XIRP2: variants seen among roughly 807,000 people sequenced by gnomAD.
XIRP2 encodes xin actin binding repeat containing 2.
In XIRP2, 236 loss-of-function variants were observed where a neutral mutation model predicts 277.0. That is an observed-to-expected ratio of 0.85 (90% CI 0.77 to 0.95). XIRP2 has a LOEUF of 0.95. Ranked by LOEUF, XIRP2 falls within the 40% of genes least tolerant of loss-of-function variation. The pLI is 0.00. For missense variants in XIRP2, 4,640 were observed against 4,157.5 expected, an observed-to-expected ratio of 1.12 and a Z score of -3.19; for synonymous variants, 1,490 against 1,416.5, an observed-to-expected ratio of 1.05 and a Z score of -1.17.
chr2:167,185,214 C>T (rs944596944), intron 3 of XIRP2, among the ~76,000 whole-genome samples: 1 of 152,046 alleles, frequency 6.6e-6, no homozygotes, highest in Non-Finnish European at 1.5e-5. Flanking sequence ...GAACTTAGGT[C>T]AGTTAATTTA....
At chr2:167,152,568 G>C (rs1266409528) in intron 3 of XIRP2, among the ~76,000 whole-genome samples, 2 of 151,988 alleles carry the variant, frequency 1.3e-5, no homozygotes, top group African/African-American at 2.4e-5. Context: ...ACCTGGGATA[G>C]GTAGAAAGAA....
chr2:167,177,728 A>T (rs764100814), intron 3 of XIRP2, among the ~76,000 whole-genome samples: 6 of 152,178 alleles, frequency 3.9e-5, no homozygotes, highest in Non-Finnish European at 8.8e-5. Context: ...CAACTGTTTG[A>T]CAGTACTCTC....
chr2:167,172,600 T>C (rs544347918), intron 3 of XIRP2, among the ~76,000 whole-genome samples: 1 of 152,194 alleles, frequency 6.6e-6, no homozygotes, highest in African/African-American at 2.4e-5. Flanking sequence ...CTCAGGGCTG[T>C]TCCTTGCTGA....
chr2:167,127,900 T>A (rs1558989830), intron 2 of XIRP2, among the ~76,000 whole-genome samples: 1 of 152,204 alleles, frequency 6.6e-6, no homozygotes, highest in Non-Finnish European at 1.5e-5. Context: ...GGGGTCCCCC[T>A]GGGGGTTCAT....
intron 2 of XIRP2, among the ~76,000 whole-genome samples, chr2:167,107,351 GC>G (rs1370938416): frequency 6.6e-6 from 1 of 151,764 alleles, no homozygotes; most frequent in African/African-American, 2.4e-5. Flanking sequence ...TTTCAGAGAT[GC>G]TTTTGTCAAA....
chr2:167,249,919 C>T lies in XIRP2; in HGVS notation c.8527C>T (p.His2843Tyr), dbSNP rs1395076409. 3.7e-6 allele frequency: 6 copies of T among 1,613,396 alleles called. No individual in the cohort carries two copies. The change falls in exon 9 of 11, where the codon CAT becomes TAT. Residue 2843 changes from histidine to tyrosine, a missense_variant. His to Tyr is a moderately conservative substitution (Grantham distance 83). Transcript: ENST00000409195. ...ATTAATAACTGAAAGAAAACACGAA[C>T]ATCTGAAGAATAAATCAGCACCAAA... ...ERLITERKHE[H>Y]LKNKSAPKVV...
intron 2 of XIRP2, among the ~76,000 whole-genome samples, chr2:167,068,333 A>G (rs901513558): frequency 6.6e-6 from 1 of 152,214 alleles, no homozygotes; most frequent in East Asian, 1.9e-4. Flanking sequence ...TATTAAATGA[A>G]GTGATTTTAA....
intron 2 of XIRP2, among the ~76,000 whole-genome samples, chr2:166,943,659 G>A (rs1198760597): frequency 6.6e-6 from 1 of 152,226 alleles, no homozygotes; most frequent in Non-Finnish European, 1.5e-5. Flanking sequence ...CACACTGACT[G>A]GCCAGTGGTG....
chr2:167,195,027 A>C (rs1693460536), intron 3 of XIRP2, among the ~76,000 whole-genome samples: 1 of 152,176 alleles, frequency 6.6e-6, no homozygotes, highest in African/African-American at 2.4e-5. Context: ...GAACATTGAA[A>C]ACTGCAACAC....
intron 3 of XIRP2, among the ~76,000 whole-genome samples, chr2:167,206,011 T>C (rs1030130286): frequency 6.6e-6 from 1 of 152,174 alleles, no homozygotes; most frequent in African/African-American, 2.4e-5. Context: ...TACTAAAATT[T>C]CAGTAACCAG....
chr2:166,934,066 G>A (rs1009948853), intron 2 of XIRP2, among the ~76,000 whole-genome samples: 3 of 151,874 alleles, frequency 2.0e-5, no homozygotes, highest in Non-Finnish European at 2.9e-5. Flanking sequence ...CTACCTTCTA[G>A]TATTCAAGCC....
intron 2 of XIRP2, among the ~76,000 whole-genome samples, chr2:166,917,031 G>A (rs926234327): frequency 2.0e-5 from 3 of 152,058 alleles, no homozygotes; most frequent in Admixed American, 2.0e-4. Flanking sequence ...TGTTATCTCT[G>A]TAACCCACTA....
chr2:167,105,809 G>A (rs1043603279), intron 2 of XIRP2, among the ~76,000 whole-genome samples: 1 of 151,728 alleles, frequency 6.6e-6, no homozygotes, highest in African/African-American at 2.4e-5. Flanking sequence ...CACCCTTGGA[G>A]CATTTATTAT....
chr2:167,024,015 G>C (rs1451507249), intron 2 of XIRP2, among the ~76,000 whole-genome samples: 1 of 151,988 alleles, frequency 6.6e-6, no homozygotes, highest in Non-Finnish European at 1.5e-5. Context: ...AGCTTGATGG[G>C]GATGGCATTG....
At chr2:167,181,956 C>T (rs1393050205) in intron 3 of XIRP2, among the ~76,000 whole-genome samples, 2 of 152,214 alleles carry the variant, frequency 1.3e-5, no homozygotes, top group East Asian at 3.9e-4. Context: ...GTGCTTTCTT[C>T]ACTCCCCAAA....
At chr2:167,000,289 C>G (rs188101709) in intron 2 of XIRP2, among the ~76,000 whole-genome samples, 2 of 152,142 alleles carry the variant, frequency 1.3e-5, no homozygotes, top group Non-Finnish European at 2.9e-5. Context: ...AAGGCCCACA[C>G]ATAGTGATTG....
chr2:166,970,634 G>T (rs1273096765), intron 2 of XIRP2, among the ~76,000 whole-genome samples: 1 of 151,644 alleles, frequency 6.6e-6, no homozygotes, highest in Admixed American at 6.6e-5. Context: ...TTAGTGAATC[G>T]ATAGGTACCT....
intron 5 of XIRP2, among the ~76,000 whole-genome samples, chr2:167,234,376 C>A (rs1694842711): frequency 6.7e-6 from 1 of 149,620 alleles, no homozygotes; most frequent in Non-Finnish European, 1.5e-5. Flanking sequence ...CTAACTGAGC[C>A]TTTTTATATC....
chr2:166,979,343 CCTTTT>C lies in XIRP2; in HGVS notation c.408+75479_408+75483del, dbSNP rs770470679. Among the ~76,000 whole-genome samples, 162 of 143,050 alleles carry C rather than the reference CCTTTT, an allele frequency of 1.1e-3. 2 individuals carry two copies. The highest frequency in any genetic ancestry group is 3.8e-3 in the Middle Eastern group (1 of 266). 93.8% of individuals were successfully genotyped at this position (143,050 alleles called of 152,430 possible). On this transcript the variant is annotated intron_variant, in intron 2 of 10. Coordinates refer to ENST00000409195, the MANE Select transcript of XIRP2 (RefSeq NM_152381.6). ...ACTTGACTAGAAACTGGCTGTGTTT[CCTTTT>C]CTTTTCTTTTCTTTTCTTTTCTTTT...
Sources: gnomAD v4.1 joint callset for allele counts (sites outside exome capture counted in the v4.1 genomes callset) on GRCh38, gnomAD v4.1.1 for gene constraint, MANE v1.5 for transcripts, NCBI Gene and HGNC (gene_info 2026-07-23, HGNC 2026-07-21) for gene names.